ZNF407: variants seen among roughly 807,000 people sequenced by gnomAD.
The protein encoded by ZNF407 is zinc finger protein 407.
In ZNF407, 17 loss-of-function variants were observed where a neutral mutation model predicts 131.2. The observed-to-expected ratio is 0.13, with a 90% CI of 0.09 to 0.19. The LOEUF is 0.19. Ranked by LOEUF, ZNF407 falls within the 10% of genes least tolerant of loss-of-function variation. The pLI is 1.00. For missense variants in ZNF407, 2,681 were observed against 2,830.6 expected, an observed-to-expected ratio of 0.95 and a Z score of 1.20; for synonymous variants, 1,156 against 1,062.0, an observed-to-expected ratio of 1.09 and a Z score of -1.72.
chr18:75,032,208 T>G (rs1973249135), intron 8 of ZNF407, among the ~76,000 whole-genome samples: 3 of 152,162 alleles, frequency 2.0e-5, no homozygotes, highest in Admixed American at 2.0e-4. Context: ...ACGGAATGTG[T>G]CACCTGATGC....
intron 8 of ZNF407, among the ~76,000 whole-genome samples, chr18:74,975,079 G>A (rs560355590): frequency 3.9e-5 from 6 of 152,278 alleles, no homozygotes; most frequent in South Asian, 4.1e-4. Flanking sequence ...TATGTAAAGC[G>A]TAATTCTGAA....
intron 4 of ZNF407, among the ~76,000 whole-genome samples, chr18:74,786,771 TGGTTTTAATG>T (rs1292224788): frequency 2.0e-5 from 3 of 149,760 alleles, no homozygotes; most frequent in Non-Finnish European, 4.5e-5. Context: ...TGGTTTTAAT[TGGTTTTAATG>T]TAAAAAAGTA....
Position 74,808,978 on chromosome 18 carries a change from C to T in ZNF407, c.4877+27476C>T, listed in dbSNP as rs185266358. Among the ~76,000 whole-genome samples, 401 of 152,236 alleles carry T rather than the reference C, an allele frequency of 2.6e-3. 4 individuals carry two copies. Among genetic ancestry groups the T allele is most frequent in the African/African-American group, 9.1e-3 (379 of 41,540 alleles). On this transcript the variant is annotated intron_variant, in intron 4 of 8. Transcript: ENST00000299687. The stretch of plus-strand genomic sequence containing the variant: ...ACCTCCTCCTCCTCCAAATCATAAA[C>T]AATGTGGAGCTAACACAGACCGAAC...
chr18:74,696,284 AT>A (rs1408464857), intron 3 of ZNF407, among the ~76,000 whole-genome samples: 1 of 152,220 alleles, frequency 6.6e-6, no homozygotes, highest in Non-Finnish European at 1.5e-5. Context: ...TCCAAAAATA[AT>A]TTATTTTTTC....
At chr18:75,020,316 ATGTG>A (rs56845489) in intron 8 of ZNF407, among the ~76,000 whole-genome samples, 109,485 of 149,624 alleles carry the variant, frequency 0.73, 40,702 homozygotes, top group Non-Finnish European at 0.8. Flanking sequence ...GTGTATGTGC[ATGTG>A]TGTGTGTGTG....
intron 4 of ZNF407, among the ~76,000 whole-genome samples, chr18:74,876,442 CAG>C (rs1046994016): frequency 1.3e-5 from 2 of 152,130 alleles, no homozygotes; most frequent in Non-Finnish European, 2.9e-5. Context: ...GAAGATCAAA[CAG>C]AGGAAGTATT....
intron 3 of ZNF407, among the ~76,000 whole-genome samples, chr18:74,728,599 T>C (rs1434549446): frequency 2.0e-5 from 3 of 152,164 alleles, no homozygotes; most frequent in Non-Finnish European, 4.4e-5. Flanking sequence ...GAGGTGTTGG[T>C]GGGCCACCTA....
At chr18:75,019,723 C>T (rs1185108041) in intron 8 of ZNF407, among the ~76,000 whole-genome samples, 1 of 152,118 alleles carries the variant, frequency 6.6e-6, no homozygotes, top group East Asian at 1.9e-4. Flanking sequence ...TTAATTGACT[C>T]ACAGTTCCAC....
intron 1 of ZNF407, among the ~76,000 whole-genome samples, chr18:74,616,952 C>T (rs1983324471): frequency 0.03 from 160 of 5,382 alleles, 1 homozygote; most frequent in African/African-American, 0.065. Flanking sequence ...ACACACCACA[C>T]GCATCCATAT....
intron 3 of ZNF407, among the ~76,000 whole-genome samples, chr18:74,666,767 G>A (rs1440109372): frequency 6.6e-6 from 1 of 152,220 alleles, no homozygotes; most frequent in East Asian, 1.9e-4. Context: ...AGGCTCAGGT[G>A]TGAAATGCGG....
chr18:74,853,557 T>C (rs1970818875), intron 4 of ZNF407, among the ~76,000 whole-genome samples: 1 of 152,186 alleles, frequency 6.6e-6, no homozygotes, highest in Admixed American at 6.5e-5. Context: ...TCATAAAGTT[T>C]TAAAGAATTT....
intron 3 of ZNF407, among the ~76,000 whole-genome samples, chr18:74,721,362 T>C (rs550269971): frequency 3.3e-5 from 5 of 152,188 alleles, no homozygotes; most frequent in Non-Finnish European, 7.4e-5. Context: ...TTACCTCCCA[T>C]ATTCAAAATA....
At chr18:74,853,070 C>A (rs1485571968) in intron 4 of ZNF407, among the ~76,000 whole-genome samples, 2 of 151,942 alleles carry the variant, frequency 1.3e-5, no homozygotes, top group Non-Finnish European at 2.9e-5. Flanking sequence ...AGTATTCGTT[C>A]TGGCTGAGAA....
rs75898433 is a variant in ZNF407, at chr18:74,743,092, T to A, written c.4803-38336T>A. 5.9e-5 allele frequency among the ~76,000 whole-genome samples: 9 copies of A among 152,198 alleles called. No homozygotes were observed. In the East Asian group the frequency reaches 1.7e-3, roughly 29 times the overall value. On this transcript the variant is annotated intron_variant, in intron 3 of 8. Transcript: ENST00000299687. The stretch of plus-strand genomic sequence containing the variant: ...TGGAGGAGTGAAGATTTGCTTTACA[T>A]TTGTAGTGTGGCTGACTAGCCAGTG...
At chr18:74,994,330 G>A (rs1455998839) in intron 8 of ZNF407, among the ~76,000 whole-genome samples, 2 of 152,168 alleles carry the variant, frequency 1.3e-5, no homozygotes, top group Non-Finnish European at 2.9e-5. Flanking sequence ...AGTTCTTTGT[G>A]CCATCCTTGC....
At chr18:74,891,513 G>A (rs756524113) in intron 7 of ZNF407, among the ~76,000 whole-genome samples, 2 of 152,074 alleles carry the variant, frequency 1.3e-5, no homozygotes, top group Non-Finnish European at 2.9e-5. Flanking sequence ...TATGTGAAAG[G>A]TCATCATATA....
At chr18:74,602,252 A>G (rs1487464223) in intron 1 of ZNF407, among the ~76,000 whole-genome samples, 1 of 152,220 alleles carries the variant, frequency 6.6e-6, no homozygotes, top group Non-Finnish European at 1.5e-5. Context: ...AGTAAAATCT[A>G]GAACTTCTAG....
chr18:74,600,988 A>G (rs1015535611), intron 1 of ZNF407, among the ~76,000 whole-genome samples: 1 of 152,230 alleles, frequency 6.6e-6, no homozygotes, highest in Non-Finnish European at 1.5e-5. Flanking sequence ...TAGGTTAGAC[A>G]TCACAGAAGT....
rs976318200 is a variant in ZNF407 at position 74,884,953 on chromosome 18, A to G, written c.5128+3834A>G. On this transcript the variant is annotated intron_variant, in intron 6 of 8. Transcript: ENST00000299687. ...AAAAATGAATAGTTTGAAGACACCT[A>G]CCAACACTATTGCGATAAAGAAAAT... Among the ~76,000 whole-genome samples the G allele has an allele frequency of 4.5e-4, 69 of 152,256 alleles. 1 individual carries two copies. The highest frequency in any genetic ancestry group is 1.5e-3 in the African/African-American group (64 of 41,556).
Sources: gnomAD v4.1 joint callset for allele counts (sites outside exome capture counted in the v4.1 genomes callset) on GRCh38, gnomAD v4.1.1 for gene constraint, MANE v1.5 for transcripts, NCBI Gene and HGNC (gene_info 2026-07-23, HGNC 2026-07-21) for gene names.